The following CNTN5 variants were observed in gnomAD, a reference collection of about 807,000 sequenced individuals.
The protein encoded by CNTN5 is contactin-5.
Under a neutral mutation model 129.1 loss-of-function variants are expected in CNTN5, and 77 were observed. The observed-to-expected ratio is 0.60, with a 90% CI of 0.50 to 0.72. The LOEUF (loss-of-function observed/expected upper bound fraction) is 0.72. CNTN5 is among the 30% of genes least tolerant of loss of function. The probability of loss-of-function intolerance (pLI) is 0.00; values close to 1 mark genes in which losing one functional copy is unlikely to be tolerated. For missense variants in CNTN5, 1,478 were observed against 1,328.8 expected (o/e 1.11, Z -1.75); for synonymous variants, 509 against 465.6 (o/e 1.09, Z -1.20).
At chr11:99,256,982 A>T (rs1862403863) in intron 1 of CNTN5, among the ~76,000 whole-genome samples, 1 of 152,126 alleles carries the variant, frequency 6.6e-6, no homozygotes. Context: ...GCTAAGGAGG[A>T]TACTAATAAA....
intron 21 of CNTN5, chr11:100,309,535 AATG>A (rs780522741): frequency 4.6e-4 from 452 of 974,372 alleles, no homozygotes; most frequent in Admixed American, 8.0e-4. Flanking sequence ...AATTATTTGG[AATG>A]ATAATTTAGT....
Position 99,847,987 on chromosome 11 carries a change from C to T in CNTN5, c.577+2725C>T, listed in dbSNP as rs181113296. Among the ~76,000 whole-genome samples, 473 of 152,244 alleles carry T rather than the reference C, an allele frequency of 3.1e-3. 6 individuals carry two copies. Among genetic ancestry groups the T allele is most frequent in the African/African-American group, 0.011 (448 of 41,544 alleles). On this transcript the variant is annotated intron_variant, in intron 6 of 24. Coordinates refer to ENST00000524871, the MANE Select transcript of CNTN5 (RefSeq NM_014361.4). Reference sequence around the variant, plus strand: ...CAGCATTTTGGGCAGCCGAGGCGGGCGGATCACGAGTTCAGGAGTTCGAGA... The same window carrying T: ...CAGCATTTTGGGCAGCCGAGGCGGGTGGATCACGAGTTCAGGAGTTCGAGA...
At chr11:99,388,983 T>C (rs1021237246) in intron 2 of CNTN5, among the ~76,000 whole-genome samples, 6 of 41,260 alleles carry the variant, frequency 1.5e-4, no homozygotes, top group African/African-American at 9.4e-4. Context: ...TCTCCAGTCC[T>C]TATTTTATTT....
chr11:99,458,813 G>A (rs116939536), intron 2 of CNTN5, among the ~76,000 whole-genome samples: 6 of 152,102 alleles, frequency 3.9e-5, no homozygotes, highest in Non-Finnish European at 8.8e-5. Flanking sequence ...TTTGAATTAG[G>A]AGGAAGAGTA....
At chr11:100,130,590 G>A (rs766328498) in intron 13 of CNTN5, among the ~76,000 whole-genome samples, 3 of 152,110 alleles carry the variant, frequency 2.0e-5, no homozygotes, top group African/African-American at 7.2e-5. Context: ...AGGGATGGCT[G>A]TGTGAACTAC....
At chr11:99,637,971 A>T (rs1951628202) in intron 3 of CNTN5, among the ~76,000 whole-genome samples, 1 of 152,110 alleles carries the variant, frequency 6.6e-6, no homozygotes, top group Admixed American at 6.5e-5. Context: ...ATAGTCATGC[A>T]TCTCATAATG....
intron 6 of CNTN5, among the ~76,000 whole-genome samples, chr11:99,904,191 A>C (rs2135961100): frequency 6.6e-6 from 1 of 152,260 alleles, no homozygotes; most frequent in Middle Eastern, 3.4e-3. Flanking sequence ...CAGGTTTGTA[A>C]CATAGGTATA....
chr11:99,869,621 A>G (rs954327091), intron 6 of CNTN5, among the ~76,000 whole-genome samples: 3 of 152,040 alleles, frequency 2.0e-5, no homozygotes, highest in Non-Finnish European at 2.9e-5. Flanking sequence ...AAACATACTC[A>G]TTTCTTCAGA....
At position 100,193,563 on chromosome 11, in the gene CNTN5, C is replaced by G; in HGVS notation, c.1784C>G (p.Ala595Gly). Residue 595 changes from alanine to glycine, a missense_variant, in exon 15 of 25, where the codon GCA becomes GGA. Physicochemically the swap from Ala to Gly is moderately conservative, Grantham distance 60. Transcript: ENST00000524871. ...GAAAGCATTGTCCTTAATTGCAAAG[C>G]AATTCACGATGCTAGTTTGGATGTC... The part of the protein sequence containing the change: ...VGESIVLNCK[A>G]IHDASLDVTF... 1 of 1,611,148 alleles carries G rather than the reference C, an allele frequency of 6.2e-7. No homozygotes were observed.
chr11:99,412,076 A>T (rs1942421139), intron 2 of CNTN5, among the ~76,000 whole-genome samples: 1 of 152,232 alleles, frequency 6.6e-6, no homozygotes, highest in East Asian at 1.9e-4. Context: ...ATTCAAAATT[A>T]TCTCAAATTA....
At chr11:100,244,353 C>G (rs1290599161) in intron 16 of CNTN5, among the ~76,000 whole-genome samples, 1 of 152,168 alleles carries the variant, frequency 6.6e-6, no homozygotes, top group East Asian at 1.9e-4. Flanking sequence ...AAAAACTCAT[C>G]CCTCCAGCCT....
In CNTN5 at chr11:99,832,801, GGCT is replaced by G. The variant is rs528123895; in HGVS notation, c.278-12047_278-12045del. Among the ~76,000 whole-genome samples the G allele has an allele frequency of 5.4e-4, 82 of 152,178 alleles. No individual in the cohort carries two copies. In the South Asian group the frequency reaches 8.9e-3, roughly 17 times the overall value. ...TCTTAAAATTTTATTGGGCATGATA[GGCT>G]GCTATTTCCTTTATATTATATTACT... On this transcript the variant is annotated intron_variant, in intron 4 of 24. Coordinates refer to ENST00000524871, the MANE Select transcript of CNTN5 (RefSeq NM_014361.4).
In CNTN5 at chr11:100,060,743, G is replaced by A. The variant is rs1218160289; in HGVS notation, c.981-469G>A. Among the ~76,000 whole-genome samples, 9 of 151,038 alleles carry A rather than the reference G, an allele frequency of 6.0e-5. No homozygotes were observed. In the East Asian group the frequency reaches 9.8e-4, roughly 16 times the overall value. On this transcript the variant is annotated intron_variant, in intron 9 of 24. Transcript: ENST00000524871. ...CAACCTCCGCTTTCCGGTTTCAAGC[G>A]ATTCTCCTGCCTCAGCCTCCAGAAT... is the stretch of plus-strand genomic sequence containing the variant.
chr11:99,633,284 G>A (rs930766212), intron 3 of CNTN5, among the ~76,000 whole-genome samples: 20 of 152,112 alleles, frequency 1.3e-4, no homozygotes, highest in Non-Finnish European at 2.6e-4. Flanking sequence ...TTAAACTGAC[G>A]CATACAGGCC....
At chr11:100,351,862 TA>T (rs1178527974) in intron 24 of CNTN5, among the ~76,000 whole-genome samples, 1 of 151,544 alleles carries the variant, frequency 6.6e-6, no homozygotes, top group Non-Finnish European at 1.5e-5. Flanking sequence ...CTATGTTATT[TA>T]ACGTATTTAT....
At chr11:99,948,192 C>A (rs1362388721) in intron 7 of CNTN5, among the ~76,000 whole-genome samples, 1 of 152,116 alleles carries the variant, frequency 6.6e-6, no homozygotes, top group Non-Finnish European at 1.5e-5. Context: ...TGCGACTTTT[C>A]ATGGTAAAAT....
chr11:99,834,711 T>C (rs1235279306), intron 4 of CNTN5, among the ~76,000 whole-genome samples: 2 of 152,186 alleles, frequency 1.3e-5, no homozygotes, highest in Non-Finnish European at 2.9e-5. Flanking sequence ...TAAGGTACTT[T>C]TTCTCCATTC....
At chr11:99,505,233 G>C (rs1329017581) in intron 2 of CNTN5, among the ~76,000 whole-genome samples, 1 of 152,046 alleles carries the variant, frequency 6.6e-6, no homozygotes, top group Non-Finnish European at 1.5e-5. Context: ...CTTTTATATG[G>C]TATCCCAATT....
At chr11:99,393,163 A>T (rs915006854) in intron 2 of CNTN5, among the ~76,000 whole-genome samples, 1 of 151,882 alleles carries the variant, frequency 6.6e-6, no homozygotes, top group Admixed American at 6.6e-5. Flanking sequence ...TCCAGAAATA[A>T]AATCTCCAAC....
Sources: gnomAD v4.1 joint callset for allele counts (sites outside exome capture counted in the v4.1 genomes callset) on GRCh38, gnomAD v4.1.1 for gene constraint, MANE v1.5 for transcripts, NCBI Gene and HGNC (gene_info 2026-07-23, HGNC 2026-07-21) for gene names.